RPS6KC1: variants seen among roughly 807,000 people sequenced by gnomAD.
RPS6KC1 encodes ribosomal protein S6 kinase C1.
Under a neutral mutation model 103.8 loss-of-function variants are expected in RPS6KC1, and 54 were observed. The ratio of observed to expected loss-of-function variants is 0.52; its 90% CI spans 0.42 to 0.65. The LOEUF is 0.65. Among genes scored for constraint, RPS6KC1 ranks in the 30% least tolerant of loss-of-function variants. The probability of loss-of-function intolerance (pLI) is 0.00; values close to 1 mark genes in which losing one functional copy is unlikely to be tolerated. For missense variants in RPS6KC1, 1,151 were observed against 1,253.8 expected (o/e 0.92, Z 1.24); for synonymous variants, 439 against 438.7 (o/e 1.00, Z -0.01).
intron 3 of RPS6KC1, among the ~76,000 whole-genome samples, chr1:213,089,506 G>A (rs2080765359): frequency 6.6e-6 from 1 of 151,338 alleles, no homozygotes; most frequent in South Asian, 2.1e-4. Context: ...TTGTCACCCA[G>A]GCTGGAGTGC....
rs570112859 is a variant in RPS6KC1, at chr1:213,235,489, A to T, written c.1225+3234A>T. Among the ~76,000 whole-genome samples the T allele has an allele frequency of 5.3e-5, 8 of 152,268 alleles. No homozygotes were observed. The East Asian group carries it at 1.5e-3, about 29-fold the overall frequency. On this transcript the variant is annotated intron_variant, in intron 10 of 14. Coordinates refer to ENST00000366960, the MANE Select transcript of RPS6KC1 (RefSeq NM_012424.6). ...TGAGAGGGGTGGTTTGCTATTTTAT[A>T]TAGGGTGGTCATCTTATTGAGAAGG...
At chr1:213,148,531 C>G (rs988234598) in intron 6 of RPS6KC1, among the ~76,000 whole-genome samples, 4 of 152,118 alleles carry the variant, frequency 2.6e-5, no homozygotes, top group Non-Finnish European at 5.9e-5. Flanking sequence ...GTAAATCCCC[C>G]TGGTCATGAT....
the RPS6KC1 span, among the ~76,000 whole-genome samples, chr1:213,519,783 C>T: frequency 1.3e-5 from 2 of 152,222 alleles, no homozygotes; most frequent in Non-Finnish European, 2.9e-5. Flanking sequence ...GATGACTGCA[C>T]TTCATGCTAG....
chr1:213,645,446 G>C, the RPS6KC1 span, among the ~76,000 whole-genome samples: 9 of 152,094 alleles, frequency 5.9e-5, no homozygotes, highest in African/African-American at 2.2e-4. Flanking sequence ...GCTGTTGCAA[G>C]AATTAAACAA....
At chr1:213,588,034 T>C in the RPS6KC1 span, among the ~76,000 whole-genome samples, 3 of 152,212 alleles carry the variant, frequency 2.0e-5, no homozygotes, top group African/African-American at 7.2e-5. Context: ...TCCTCATAGA[T>C]GGCCCTTTGT....
the RPS6KC1 span, among the ~76,000 whole-genome samples, chr1:213,349,254 A>C: frequency 6.6e-6 from 1 of 152,198 alleles, no homozygotes. Flanking sequence ...AACATAACCC[A>C]AAAATATTAT....
the RPS6KC1 span, among the ~76,000 whole-genome samples, chr1:213,301,404 ACAGT>A: frequency 9.2e-5 from 14 of 152,358 alleles, no homozygotes; most frequent in South Asian, 2.9e-3. Context: ...ACAATGGACA[ACAGT>A]CAGCCAGTCG....
intron 3 of RPS6KC1, among the ~76,000 whole-genome samples, chr1:213,082,758 G>A (rs749196777): frequency 1.6e-4 from 24 of 152,136 alleles, no homozygotes; most frequent in Non-Finnish European, 3.5e-4. Context: ...AAAGGTCCTA[G>A]GACTTGTTTT....
At chr1:213,405,896 G>T in the RPS6KC1 span, among the ~76,000 whole-genome samples, 1 of 152,184 alleles carries the variant, frequency 6.6e-6, no homozygotes, top group Non-Finnish European at 1.5e-5. Context: ...GGAAGAAATG[G>T]GCAGTGTGGG....
chr1:213,616,709 A>G, the RPS6KC1 span, among the ~76,000 whole-genome samples: 3 of 152,108 alleles, frequency 2.0e-5, no homozygotes, highest in Non-Finnish European at 4.4e-5. Flanking sequence ...GGCACACACA[A>G]CAGGTATACA....
the RPS6KC1 span, among the ~76,000 whole-genome samples, chr1:213,631,000 C>A: frequency 6.6e-6 from 1 of 152,172 alleles, no homozygotes; most frequent in Admixed American, 6.5e-5. Flanking sequence ...GGGCATAGGA[C>A]CCTCTGAGCC....
At chr1:213,408,210 C>T in the RPS6KC1 span, among the ~76,000 whole-genome samples, 1 of 152,204 alleles carries the variant, frequency 6.6e-6, no homozygotes, top group Non-Finnish European at 1.5e-5. Flanking sequence ...AGGTTAAAGT[C>T]ACACTCAGCA....
At chr1:213,495,187 T>G in the RPS6KC1 span, among the ~76,000 whole-genome samples, 1 of 152,204 alleles carries the variant, frequency 6.6e-6, no homozygotes, top group Admixed American at 6.5e-5. Flanking sequence ...AGAGCAACAT[T>G]AAAAGTTCAA....
chr1:213,079,507 TC>T (rs1460494611), intron 3 of RPS6KC1, among the ~76,000 whole-genome samples: 2 of 152,268 alleles, frequency 1.3e-5, no homozygotes, highest in Non-Finnish European at 2.9e-5. Flanking sequence ...AGCCTTGACT[TC>T]CTGGGCTCAG....
chr1:213,454,405 G>A, the RPS6KC1 span, among the ~76,000 whole-genome samples: 1 of 152,138 alleles, frequency 6.6e-6, no homozygotes. Context: ...TTCAAAATAA[G>A]GGAGTTAACC....
intron 1 of RPS6KC1, among the ~76,000 whole-genome samples, chr1:213,064,721 A>T (rs1344122520): frequency 2.5e-5 from 3 of 119,822 alleles, no homozygotes; most frequent in African/African-American, 3.4e-5. Context: ...TCTATTGCCC[A>T]GGCTGGAGTG....
rs1300428081 is a variant in RPS6KC1 at position 213,074,352 on chromosome 1, T to C, written c.141+3311T>C. On this transcript the variant is annotated intron_variant, in intron 2 of 14. Transcript: ENST00000366960. ...GTGACTTTAATAAATAAGAAACTTA[T>C]GGAGACTTGGTTCAATAAAGAAAGA... Among the ~76,000 whole-genome samples, 4 of 152,356 alleles carry C rather than the reference T, an allele frequency of 2.6e-5. No homozygotes were observed. The East Asian group carries it at 7.7e-4, about 29-fold the overall frequency.
the RPS6KC1 span, among the ~76,000 whole-genome samples, chr1:213,428,507 TTCCTTCCTTC>T: frequency 5.8e-5 from 4 of 68,522 alleles, no homozygotes; most frequent in African/African-American, 1.9e-4. Flanking sequence ...CCTTCCTTCC[TTCCTTCCTTC>T]CTCTTTCTCT....
chr1:213,770,714 C>T, the RPS6KC1 span, among the ~76,000 whole-genome samples: 1 of 152,166 alleles, frequency 6.6e-6, no homozygotes, highest in African/African-American at 2.4e-5. Context: ...CAGAGGCCAG[C>T]CTTTTTGTAC....
Sources: allele counts gnomAD v4.1 joint callset (sites outside exome capture counted in the v4.1 genomes callset), GRCh38; gene constraint gnomAD v4.1.1; transcripts MANE v1.5; gene names NCBI Gene and HGNC (gene_info 2026-07-23, HGNC 2026-07-21).